The following MACROD2 variants were observed in gnomAD, a reference collection of about 807,000 sequenced individuals.
The protein encoded by MACROD2 is mono-ADP ribosylhydrolase 2, also known as ADP-ribose glycohydrolase MACROD2.
MACROD2 carries 36 observed loss-of-function variants against 70.4 expected under a neutral mutation model. That is an observed-to-expected ratio of 0.51 (90% CI 0.39 to 0.68). The LOEUF (loss-of-function observed/expected upper bound fraction) is 0.68. Among genes scored for constraint, MACROD2 ranks in the 30% least tolerant of loss-of-function variants. MACROD2 has a pLI of 0.00. For missense variants in MACROD2, 496 were observed against 538.4 expected, an observed-to-expected ratio of 0.92 and a Z score of 0.78; for synonymous variants, 172 against 178.8, an observed-to-expected ratio of 0.96 and a Z score of 0.30.
chr20:15,015,168 A>G (rs2075111744), intron 5 of MACROD2, among the ~76,000 whole-genome samples: 1 of 152,080 alleles, frequency 6.6e-6, no homozygotes, highest in African/African-American at 2.4e-5. Context: ...TTTTACAGTA[A>G]TTTAGTTTTT....
intron 4 of MACROD2, among the ~76,000 whole-genome samples, chr20:14,634,594 A>G (rs2123478979): frequency 7.6e-6 from 1 of 130,872 alleles, no homozygotes; most frequent in Non-Finnish European, 1.5e-5. Flanking sequence ...CTGTCAGCAG[A>G]ACTGTTCAGA....
At chr20:14,186,311 C>G (rs2081343483) in intron 3 of MACROD2, among the ~76,000 whole-genome samples, 1 of 151,958 alleles carries the variant, frequency 6.6e-6, no homozygotes, top group African/African-American at 2.4e-5. Flanking sequence ...TGTGGTACTT[C>G]TCAAAAGAAG....
At chr20:15,491,906 G>A (rs979765699) in intron 7 of MACROD2, among the ~76,000 whole-genome samples, 1 of 152,222 alleles carries the variant, frequency 6.6e-6, no homozygotes, top group Non-Finnish European at 1.5e-5. Flanking sequence ...CCCAACTTAT[G>A]AATATGCCAT....
At chr20:14,085,825 T>G in intron 3 of MACROD2, 97 bp downstream of exon 3, 1 of 652,078 alleles carries the variant, frequency 1.5e-6, no homozygotes. Flanking sequence ...AAAAAATGCT[T>G]TTTGACGTAG....
chr20:14,964,052 G>T (rs1024649858), intron 5 of MACROD2, among the ~76,000 whole-genome samples: 10 of 150,596 alleles, frequency 6.6e-5, no homozygotes, highest in South Asian at 6.3e-4. Flanking sequence ...TTTTTTCTGT[G>T]TTTTTTTTTC....
At chr20:14,553,252 C>T (rs567887414) in intron 4 of MACROD2, among the ~76,000 whole-genome samples, 150 of 151,642 alleles carry the variant, frequency 9.9e-4, no homozygotes, top group Admixed American at 1.6e-3. Context: ...TACACAGGAC[C>T]AGGGTCATCA....
At chr20:14,076,190 G>A (rs2053914246) in intron 2 of MACROD2, among the ~76,000 whole-genome samples, 1 of 152,050 alleles carries the variant, frequency 6.6e-6, no homozygotes, top group Non-Finnish European at 1.5e-5. Context: ...ATGTATGTAT[G>A]TTATATATAT....
intron 3 of MACROD2, among the ~76,000 whole-genome samples, chr20:14,416,804 A>G (rs112675255): frequency 9.4e-4 from 143 of 152,270 alleles, no homozygotes; most frequent in African/African-American, 3.3e-3. Flanking sequence ...GAAAGTACTC[A>G]GTTGGAGTGA....
chr20:15,238,250 T>C (rs538648440), intron 6 of MACROD2, among the ~76,000 whole-genome samples: 1 of 152,312 alleles, frequency 6.6e-6, no homozygotes, highest in South Asian at 2.1e-4. Flanking sequence ...TAGTGTGATA[T>C]AGATGTCATA....
intron 8 of MACROD2, among the ~76,000 whole-genome samples, chr20:15,806,111 A>G (rs926328520): frequency 5.3e-5 from 8 of 152,194 alleles, no homozygotes; most frequent in African/African-American, 1.7e-4. Flanking sequence ...CTTCCAATAC[A>G]TATAAAATTA....
intron 4 of MACROD2, among the ~76,000 whole-genome samples, chr20:14,611,120 C>T (rs1462933571): frequency 2.0e-5 from 3 of 152,094 alleles, no homozygotes; most frequent in Non-Finnish European, 4.4e-5. Context: ...AGAATGTGGT[C>T]TATACCTATG....
rs866102472 is a variant in MACROD2 at position 14,973,923 on chromosome 20, A to G, written c.419-256017A>G. On this transcript the variant is annotated intron_variant, in intron 5 of 17. Coordinates refer to ENST00000684519, the MANE Select transcript of MACROD2 (RefSeq NM_001351661.2). Reference sequence around the variant, plus strand: ...AAAGTGAAGTAAGATGACATAGAATAATGTTTCCAAAAAGAAAGAACATTC... The same window carrying G: ...AAAGTGAAGTAAGATGACATAGAATGATGTTTCCAAAAAGAAAGAACATTC... 3.3e-5 allele frequency among the ~76,000 whole-genome samples: 5 copies of G among 152,316 alleles called. No individual in the cohort carries two copies. In the Middle Eastern group the frequency reaches 0.01, roughly 311 times the overall value.
chr20:14,425,952 A>C (rs1208126563), intron 3 of MACROD2, among the ~76,000 whole-genome samples: 1 of 152,112 alleles, frequency 6.6e-6, no homozygotes, highest in East Asian at 1.9e-4. Flanking sequence ...CGAATTCTAG[A>C]TTGAAAGTTT....
At chr20:15,078,204 A>G (rs2075674417) in intron 5 of MACROD2, among the ~76,000 whole-genome samples, 1 of 152,188 alleles carries the variant, frequency 6.6e-6, no homozygotes, top group African/African-American at 2.4e-5. Context: ...CCAGCTGGAA[A>G]AAAAGTTAAA....
At chr20:15,233,365 G>A (rs2076975888) in intron 6 of MACROD2, among the ~76,000 whole-genome samples, 1 of 152,056 alleles carries the variant, frequency 6.6e-6, no homozygotes, top group South Asian at 2.1e-4. Flanking sequence ...TTGGAGAAAG[G>A]TCTGAAAGGA....
intron 5 of MACROD2, among the ~76,000 whole-genome samples, chr20:15,118,430 A>G (rs2076007719): frequency 6.6e-6 from 1 of 151,978 alleles, no homozygotes; most frequent in South Asian, 2.1e-4. Flanking sequence ...TGACCTCATG[A>G]TCCGCCCGCC....
intron 2 of MACROD2, among the ~76,000 whole-genome samples, chr20:14,041,845 A>G (rs1442121271): frequency 6.6e-6 from 1 of 152,138 alleles, no homozygotes; most frequent in Non-Finnish European, 1.5e-5. Flanking sequence ...TTACCACACT[A>G]AGAGCAGAGT....
intron 6 of MACROD2, among the ~76,000 whole-genome samples, chr20:15,239,184 A>T (rs978052615): frequency 5.8e-5 from 8 of 138,042 alleles, no homozygotes; most frequent in Non-Finnish European, 7.8e-5. Context: ...AAATGTTCAG[A>T]TTTTTTTTTT....
chr20:14,643,749 A>G (rs1321676189), intron 4 of MACROD2, among the ~76,000 whole-genome samples: 2 of 152,184 alleles, frequency 1.3e-5, no homozygotes, highest in Non-Finnish European at 2.9e-5. Flanking sequence ...CGATTGTCAC[A>G]TGACAAGGCA....
Sources: gnomAD v4.1 joint callset for allele counts (sites outside exome capture counted in the v4.1 genomes callset) on GRCh38, gnomAD v4.1.1 for gene constraint, MANE v1.5 for transcripts, NCBI Gene and HGNC (gene_info 2026-07-23, HGNC 2026-07-21) for gene names.